The following WDR70 variants were observed in gnomAD, a reference collection of about 807,000 sequenced individuals.
WDR70 encodes the protein WD repeat domain 70, also known as WD repeat-containing protein 70.
Under a neutral mutation model 88.6 loss-of-function variants are expected in WDR70, and 53 were observed. The observed-to-expected ratio is 0.60, with a 90% CI of 0.48 to 0.75. The LOEUF (loss-of-function observed/expected upper bound fraction) is 0.75, where lower values mean the gene tolerates loss of function less well. Ranked by LOEUF, WDR70 falls within the 30% of genes least tolerant of loss-of-function variation. WDR70 has a pLI of 0.00. For missense variants in WDR70, 610 were observed against 823.2 expected (o/e 0.74, Z 3.17); for synonymous variants, 280 against 270.0 (o/e 1.04, Z -0.36).
At chr5:37,474,739 A>T (rs62361485) in intron 7 of WDR70, among the ~76,000 whole-genome samples, 63,150 of 151,738 alleles carry the variant, frequency 0.42, 15,264 homozygotes, top group Non-Finnish European at 0.54. Flanking sequence ...CCAGGCCCCA[A>T]TGTGTGTTGT....
chr5:37,453,123 A>G (rs1452903452), intron 7 of WDR70, among the ~76,000 whole-genome samples: 1 of 152,172 alleles, frequency 6.6e-6, no homozygotes, highest in Non-Finnish European at 1.5e-5. Context: ...ACAGTTTATT[A>G]TTTGATATAC....
intron 6 of WDR70, 69 bp downstream of exon 6, chr5:37,438,050 G>T: frequency 2.2e-6 from 3 of 1,364,604 alleles, no homozygotes; most frequent in Non-Finnish European, 3.0e-6. Flanking sequence ...GAACTGATAA[G>T]ATACATTTGT....
Position 37,703,141 on chromosome 5 carries a change from C to G in WDR70, c.1416+54C>G. 3.8e-6 allele frequency: 6 copies of G among 1,571,916 alleles called. No homozygotes were observed. In the South Asian group the frequency reaches 4.6e-5, roughly 12 times the overall value. ...GAGAATACATAAAGTTTGCCTCTTA[C>G]CCATCTTTTGGTTTTGTTTGTTAAG... On this transcript the variant is annotated intron_variant, in intron 13 of 17. Coordinates refer to ENST00000265107, the MANE Select transcript of WDR70 (RefSeq NM_018034.4).
intron 5 of WDR70, among the ~76,000 whole-genome samples, chr5:37,405,771 C>T (rs898110143): frequency 2.0e-5 from 3 of 152,104 alleles, no homozygotes; most frequent in East Asian, 1.9e-4. Context: ...ATGGACTGGT[C>T]GCAGTGGCTC....
chr5:37,732,680 G>A (rs1748182429), intron 17 of WDR70, among the ~76,000 whole-genome samples: 1 of 151,972 alleles, frequency 6.6e-6, no homozygotes, highest in South Asian at 2.1e-4. Flanking sequence ...TATGTCTTTT[G>A]CCCATTTGCC....
At chr5:37,577,773 A>G (rs954884822) in intron 9 of WDR70, among the ~76,000 whole-genome samples, 1 of 152,168 alleles carries the variant, frequency 6.6e-6, no homozygotes, top group Non-Finnish European at 1.5e-5. Flanking sequence ...GGGGAAAGAT[A>G]TTACATTCTA....
At chr5:37,673,583 A>ACCCTC (rs1746094522) in intron 10 of WDR70, among the ~76,000 whole-genome samples, 1 of 76,228 alleles carries the variant, frequency 1.3e-5, no homozygotes, top group Non-Finnish European at 2.4e-5. Context: ...GACTTTTCTT[A>ACCCTC]CCCCCCCCCC....
At chr5:37,523,361 G>A (rs1455354476) in intron 9 of WDR70, among the ~76,000 whole-genome samples, 1 of 152,214 alleles carries the variant, frequency 6.6e-6, no homozygotes, top group African/African-American at 2.4e-5. Flanking sequence ...CTGATACCCA[G>A]GCAAACAGGG....
chr5:37,606,628 C>A (rs1475564548), intron 10 of WDR70, among the ~76,000 whole-genome samples: 1 of 151,990 alleles, frequency 6.6e-6, no homozygotes, highest in Non-Finnish European at 1.5e-5. Context: ...AGAAAGAAAG[C>A]CATTGGAATG....
intron 3 of WDR70, among the ~76,000 whole-genome samples, chr5:37,386,744 G>A (rs1748629072): frequency 6.6e-6 from 1 of 151,984 alleles, no homozygotes; most frequent in Non-Finnish European, 1.5e-5. Flanking sequence ...ATTGAATTTA[G>A]ACCTGTAATA....
intron 9 of WDR70, among the ~76,000 whole-genome samples, chr5:37,599,479 C>T (rs562724649): frequency 8.5e-5 from 13 of 152,340 alleles, no homozygotes; most frequent in African/African-American, 3.1e-4. Context: ...TAAATAACCA[C>T]TTACACCCTT....
At chr5:37,667,545 G>A (rs2112586447) in intron 10 of WDR70, among the ~76,000 whole-genome samples, 1 of 152,178 alleles carries the variant, frequency 6.6e-6, no homozygotes, top group African/African-American at 2.4e-5. Context: ...TAAGGTTTTA[G>A]TTTTTTCCAG....
Position 37,736,507 on chromosome 5 carries a change from A to T in WDR70, c.1877+9462A>T, listed in dbSNP as rs12516786. Among the ~76,000 whole-genome samples the T allele has an allele frequency of 1.0e-3, 153 of 152,150 alleles. 4 individuals are homozygous for T. The highest frequency in any genetic ancestry group is 6.9e-3 in the Admixed American group (106 of 15,278). On this transcript the variant is annotated intron_variant, in intron 17 of 17. Coordinates refer to ENST00000265107, the MANE Select transcript of WDR70 (RefSeq NM_018034.4). The stretch of plus-strand genomic sequence containing the variant: ...CAGAGAGAAAATATATTTTTTCCAG[A>T]GTTATATTTAGGTGACTAATTGTCA...
chr5:37,490,696 G>C (rs1310417160), intron 8 of WDR70, among the ~76,000 whole-genome samples: 3 of 152,040 alleles, frequency 2.0e-5, no homozygotes, highest in African/African-American at 7.2e-5. Flanking sequence ...CCGGGGGTAG[G>C]TGGGCAAGGT....
intron 9 of WDR70, among the ~76,000 whole-genome samples, chr5:37,600,387 C>T (rs373110954): frequency 8.6e-5 from 13 of 151,902 alleles, no homozygotes; most frequent in East Asian, 3.9e-4. Context: ...ATTAGCCGGC[C>T]GTGGTGGCGG....
chr5:37,556,515 A>G (rs902452366), intron 9 of WDR70, among the ~76,000 whole-genome samples: 3 of 152,246 alleles, frequency 2.0e-5, no homozygotes, highest in Admixed American at 2.0e-4. Flanking sequence ...TTTCTTTTAG[A>G]AGTCCTTGAT....
chr5:37,668,133 T>C (rs1047479108), intron 10 of WDR70, among the ~76,000 whole-genome samples: 4 of 152,196 alleles, frequency 2.6e-5, no homozygotes, highest in African/African-American at 9.7e-5. Context: ...GCTTTCTCTC[T>C]GGAAGGACTT....
At chr5:37,448,166 C>T (rs988880177) in intron 7 of WDR70, among the ~76,000 whole-genome samples, 1 of 152,042 alleles carries the variant, frequency 6.6e-6, no homozygotes, top group African/African-American at 2.4e-5. Context: ...ATGTTTCAGT[C>T]AATTGCAGTC....
chr5:37,584,893 C>G (rs1166494581), intron 9 of WDR70, among the ~76,000 whole-genome samples: 1 of 151,384 alleles, frequency 6.6e-6, no homozygotes, highest in Non-Finnish European at 1.5e-5. Context: ...TATTCCACCT[C>G]CACCTCTGCT....
Sources: gnomAD v4.1 joint callset for allele counts (sites outside exome capture counted in the v4.1 genomes callset) on GRCh38, gnomAD v4.1.1 for gene constraint, MANE v1.5 for transcripts, NCBI Gene and HGNC (gene_info 2026-07-23, HGNC 2026-07-21) for gene names.